The following LRBA variants were observed in gnomAD, a reference collection of about 807,000 sequenced individuals.
The protein encoded by LRBA is LPS responsive beige-like anchor protein.
LRBA carries 176 observed loss-of-function variants against 330.0 expected under a neutral mutation model. The ratio of observed to expected loss-of-function variants is 0.53; its 90% confidence interval spans 0.47 to 0.60. LRBA has a LOEUF of 0.60. Ranked by LOEUF, LRBA falls within the 20% of genes least tolerant of loss-of-function variation. LRBA has a pLI of 0.00. For missense variants in LRBA, 3,259 were observed against 3,444.8 expected (o/e 0.95, Z 1.35); for synonymous variants, 1,230 against 1,193.0 (o/e 1.03, Z -0.64).
chr4:150,653,228 T>C (rs978981468), intron 37 of LRBA, among the ~76,000 whole-genome samples: 1 of 152,142 alleles, frequency 6.6e-6, no homozygotes, highest in South Asian at 2.1e-4. Flanking sequence ...TTACAGTACA[T>C]ATAGAAAAAT....
intron 37 of LRBA, among the ~76,000 whole-genome samples, chr4:150,611,911 C>A (rs558964778): frequency 1.3e-3 from 192 of 151,910 alleles, no homozygotes; most frequent in African/African-American, 4.5e-3. Context: ...CTCTCTCTTT[C>A]TCTCTCTCTA....
chr4:150,322,460 G>C (rs1436893085), intron 49 of LRBA, among the ~76,000 whole-genome samples: 1 of 152,134 alleles, frequency 6.6e-6, no homozygotes, highest in African/African-American at 2.4e-5. Context: ...GAAACACTTT[G>C]ATGAAATGCT....
intron 28 of LRBA, among the ~76,000 whole-genome samples, chr4:150,843,035 T>C (rs1404163574): frequency 6.6e-6 from 1 of 152,140 alleles, no homozygotes; most frequent in African/African-American, 2.4e-5. Flanking sequence ...TTCGTGCTCC[T>C]ATGAGAGTCT....
chr4:150,884,001 T>C (rs1253439095), intron 17 of LRBA, among the ~76,000 whole-genome samples: 2 of 152,170 alleles, frequency 1.3e-5, no homozygotes, highest in Non-Finnish European at 2.9e-5. Flanking sequence ...TATTTATTGT[T>C]GAGAAATTGC....
In LRBA at chr4:150,310,317, G is replaced by A. The variant is rs746607043; in HGVS notation, c.7761C>T (p.Ser2587=). 6.2e-7 allele frequency: 1 copy of A among 1,612,496 alleles called. No individual in the cohort carries two copies. The highest frequency in any genetic ancestry group is 1.3e-5 in the African/African-American group (1 of 74,866). ...DLLDQSIQVH[S]QCFVITSDNR... The stretch of plus-strand genomic sequence containing the variant: ...TGTCTGAAGTGATGACAAAGCACTG[G>A]GAATGCACTTGAATACTTTGGTCTA... The change falls in exon 52 of 57, where the codon TCC becomes TCT. Residue 2587 remains serine, a synonymous_variant. Coordinates refer to ENST00000651943, the MANE Select transcript of LRBA (RefSeq NM_001364905.1).
At chr4:150,694,107 C>T (rs1784398586) in intron 36 of LRBA, among the ~76,000 whole-genome samples, 1 of 152,098 alleles carries the variant, frequency 6.6e-6, no homozygotes, top group Admixed American at 6.6e-5. Flanking sequence ...TCTACCTCCT[C>T]CCTGTTTGGT....
intron 2 of LRBA, among the ~76,000 whole-genome samples, chr4:150,984,214 G>A (rs1182094977): frequency 2.6e-5 from 4 of 152,276 alleles, no homozygotes; most frequent in Non-Finnish European, 5.9e-5. Context: ...AAATTTTTGC[G>A]ATCTACAGAA....
intron 29 of LRBA, among the ~76,000 whole-genome samples, chr4:150,830,494 C>G (rs1472116446): frequency 6.6e-6 from 1 of 152,180 alleles, no homozygotes; most frequent in Non-Finnish European, 1.5e-5. Context: ...GCTCTTGGAG[C>G]CATCCCACCT....
rs186774721 is a variant in LRBA at position 150,691,844 on chromosome 4, A to C, written c.5755-8127T>G. ...ATGGATAAACAAAATAATTCAACTT[A>C]GTATTTAAAAAAACAAACCAATAAT... is the stretch of plus-strand genomic sequence containing the variant. On this transcript the variant is annotated intron_variant, in intron 36 of 56. Coordinates refer to ENST00000651943, the MANE Select transcript of LRBA (RefSeq NM_001364905.1). Among the ~76,000 whole-genome samples, 118 of 152,322 alleles carry C rather than the reference A, an allele frequency of 7.7e-4. 1 individual carries two copies. Among genetic ancestry groups the C allele is most frequent in the Middle Eastern group, 6.8e-3 (2 of 294 alleles).
chr4:150,343,921 C>T (rs1735921046), intron 48 of LRBA, among the ~76,000 whole-genome samples: 1 of 152,162 alleles, frequency 6.6e-6, no homozygotes, highest in African/African-American at 2.4e-5. Context: ...CTCATTCATA[C>T]ACATTTACTT....
At chr4:150,543,934 C>G (rs1765578662) in intron 40 of LRBA, among the ~76,000 whole-genome samples, 1 of 152,026 alleles carries the variant, frequency 6.6e-6, no homozygotes, top group African/African-American at 2.4e-5. Flanking sequence ...AAACACAGCA[C>G]TTTTAGAATA....
chr4:150,694,696 T>TC (rs1017774026), intron 36 of LRBA, among the ~76,000 whole-genome samples: 3 of 147,504 alleles, frequency 2.0e-5, no homozygotes, highest in African/African-American at 7.4e-5. Flanking sequence ...CCTCCTCCCT[T>TC]CCCCCCATAA....
intron 44 of LRBA, among the ~76,000 whole-genome samples, chr4:150,454,809 C>T (rs181218860): frequency 7.2e-5 from 11 of 152,120 alleles, no homozygotes; most frequent in Non-Finnish European, 1.2e-4. Context: ...GCTTAGTTCC[C>T]GCTTACAAGT....
At chr4:150,614,390 GA>G (rs1284395525) in intron 37 of LRBA, among the ~76,000 whole-genome samples, 1 of 151,654 alleles carries the variant, frequency 6.6e-6, no homozygotes, top group African/African-American at 2.4e-5. Flanking sequence ...CAAGAAAGTG[GA>G]AAAAAAAGTA....
At chr4:150,833,237 T>C (rs1747466226) in intron 28 of LRBA, among the ~76,000 whole-genome samples, 1 of 151,900 alleles carries the variant, frequency 6.6e-6, no homozygotes, top group Non-Finnish European at 1.5e-5. Context: ...GACCTCTTTA[T>C]CTTGTCAAAT....
In LRBA at chr4:150,957,242, A is replaced by G. The variant is rs547062714; in HGVS notation, c.217-28177T>C. The stretch of plus-strand genomic sequence containing the variant: ...TTTATAAAGGAAAGAGGTTTAACTG[A>G]CTCACAGTTCCACTCCCCAGTGGAA... On this transcript the variant is annotated intron_variant, in intron 2 of 56. Transcript: ENST00000651943. Among the ~76,000 whole-genome samples the G allele has an allele frequency of 2.7e-5, 4 of 148,236 alleles. No homozygotes were observed. The East Asian group carries it at 7.7e-4, about 29-fold the overall frequency.
chr4:150,616,505 A>T (rs1271849314), intron 37 of LRBA, among the ~76,000 whole-genome samples: 1 of 152,220 alleles, frequency 6.6e-6, no homozygotes, highest in Non-Finnish European at 1.5e-5. Flanking sequence ...CAACCATATC[A>T]AAGGGTATCA....
At chr4:150,557,735 T>C (rs1372575925) in intron 40 of LRBA, among the ~76,000 whole-genome samples, 1 of 152,206 alleles carries the variant, frequency 6.6e-6, no homozygotes, top group Non-Finnish European at 1.5e-5. Flanking sequence ...CACAGAGGTA[T>C]AGTGCCATCC....
In LRBA at chr4:150,638,220, G is replaced by T. The variant is rs369242676; in HGVS notation, c.5922-39089C>A. ...CTAATGTTATCTTTAGTAGAGACAG[G>T]TTTTCACCATGTTGGCCAGGCTGGT... On this transcript the variant is annotated intron_variant, in intron 37 of 56. Transcript: ENST00000651943. Among the ~76,000 whole-genome samples the T allele has an allele frequency of 7.9e-5, 12 of 152,094 alleles. No individual in the cohort carries two copies. The East Asian group carries it at 1.7e-3, about 22-fold the overall frequency.
Sources: allele counts gnomAD v4.1 joint callset (sites outside exome capture counted in the v4.1 genomes callset), GRCh38; gene constraint gnomAD v4.1.1; transcripts MANE v1.5; gene names NCBI Gene and HGNC (gene_info 2026-07-23, HGNC 2026-07-21).